Variants in SLC41A2 observed in about 807,000 individuals in gnomAD.
SLC41A2 encodes the protein solute carrier family 41 member 2, also known as SLC41A1-like 1.
Under a neutral mutation model 58.3 loss-of-function variants are expected in SLC41A2, and 32 were observed. The ratio of observed to expected loss-of-function variants is 0.55; its 90% CI spans 0.41 to 0.74. The LOEUF (loss-of-function observed/expected upper bound fraction) is 0.74, where lower values mean the gene tolerates loss of function less well. Among genes scored for constraint, SLC41A2 ranks in the 30% least tolerant of loss-of-function variants. SLC41A2 has a pLI of 0.00. For synonymous variants in SLC41A2, 190 were observed against 235.0 expected (o/e 0.81, Z 1.75); for missense variants, 514 against 680.6 (o/e 0.76, Z 2.72).
chr12:104,935,239 A>C (rs186651323), intron 1 of SLC41A2, among the ~76,000 whole-genome samples: 13 of 151,534 alleles, frequency 8.6e-5, no homozygotes, highest in African/African-American at 3.1e-4. Context: ...GATCATAGGC[A>C]TGAGCCACCA....
At chr12:104,878,417 C>T (rs1485707878) in intron 6 of SLC41A2, among the ~76,000 whole-genome samples, 1 of 151,482 alleles carries the variant, frequency 6.6e-6, no homozygotes, top group Non-Finnish European at 1.5e-5. Flanking sequence ...CACCCATTAA[C>T]TCATCATTAA....
intron 10 of SLC41A2, among the ~76,000 whole-genome samples, chr12:104,834,429 C>G (rs532706595): frequency 3.0e-4 from 45 of 152,266 alleles, no homozygotes; most frequent in African/African-American, 8.2e-4. Context: ...CCCTTCATAT[C>G]TCCTTTATCA....
At chr12:104,806,936 T>C (rs1006587517) in intron 10 of SLC41A2, among the ~76,000 whole-genome samples, 50 of 152,248 alleles carry the variant, frequency 3.3e-4, no homozygotes, top group African/African-American at 1.2e-3. Flanking sequence ...TGTAAACTTG[T>C]TTGAGTTCAT....
intron 1 of SLC41A2, among the ~76,000 whole-genome samples, chr12:104,957,802 C>T (rs2048224920): frequency 6.6e-6 from 1 of 152,216 alleles, no homozygotes; most frequent in Non-Finnish European, 1.5e-5. Context: ...CACCCGCCGC[C>T]TGTCCCTGCC....
chr12:104,854,576 A>C (rs1243932241), intron 8 of SLC41A2, among the ~76,000 whole-genome samples: 2 of 146,830 alleles, frequency 1.4e-5, no homozygotes, highest in African/African-American at 5.3e-5. Flanking sequence ...AAAACAAAAA[A>C]AAAAAAACAC....
At chr12:104,860,812 C>T (rs750376221) in intron 8 of SLC41A2, among the ~76,000 whole-genome samples, 12 of 151,912 alleles carry the variant, frequency 7.9e-5, no homozygotes, top group African/African-American at 4.8e-5. Context: ...TAACCTCAAG[C>T]GACCCTCCTA....
At chr12:104,912,435 T>C (rs73383420) in intron 2 of SLC41A2, among the ~76,000 whole-genome samples, 4,886 of 152,220 alleles carry the variant, frequency 0.032, 148 homozygotes, top group East Asian at 0.15. Flanking sequence ...AGGGGTTTAA[T>C]AATCATGCCT....
chr12:104,929,396 A>C (rs1184126673), intron 1 of SLC41A2, among the ~76,000 whole-genome samples: 1 of 152,222 alleles, frequency 6.6e-6, no homozygotes, highest in Non-Finnish European at 1.5e-5. Context: ...TTAAACCTCC[A>C]TTTGCAAACC....
At chr12:104,881,198 T>TTC (rs1565868836) in intron 6 of SLC41A2, among the ~76,000 whole-genome samples, 1 of 151,998 alleles carries the variant, frequency 6.6e-6, no homozygotes, top group Non-Finnish European at 1.5e-5. Context: ...TATTTGATTC[T>TTC]TCTCTCTTTT....
At chr12:104,926,837 C>G (rs184272828) in intron 2 of SLC41A2, among the ~76,000 whole-genome samples, 26 of 152,278 alleles carry the variant, frequency 1.7e-4, no homozygotes, top group Non-Finnish European at 1.8e-4. Flanking sequence ...CAATCCCTAG[C>G]ACTTTGGAAA....
At chr12:104,894,296 T>A (rs2045173521) in intron 4 of SLC41A2, among the ~76,000 whole-genome samples, 1 of 150,266 alleles carries the variant, frequency 6.7e-6, no homozygotes, top group Admixed American at 6.6e-5. Flanking sequence ...AAGGCTGCAG[T>A]GAGCCATGAC....
At chr12:104,941,584 A>C (rs2047515263) in intron 1 of SLC41A2, among the ~76,000 whole-genome samples, 1 of 152,252 alleles carries the variant, frequency 6.6e-6, no homozygotes, top group Admixed American at 6.5e-5. Flanking sequence ...CAACTCAAAC[A>C]CAATCCAGTT....
chr12:104,898,627 A>G lies in SLC41A2; in HGVS notation c.664-3282T>C, dbSNP rs1390002377. 3.3e-5 allele frequency among the ~76,000 whole-genome samples: 5 copies of G among 151,722 alleles called. No homozygotes were observed. In the East Asian group the frequency reaches 9.6e-4, roughly 29 times the overall value. On this transcript the variant is annotated intron_variant, in intron 3 of 10. Coordinates refer to ENST00000258538, the MANE Select transcript of SLC41A2 (RefSeq NM_001352171.3). ...CTTCCAAGTGTTAGGTGTATGGATA[A>G]TTTTTAATTTTTACTTTGTCCTTTA... is the stretch of plus-strand genomic sequence containing the variant.
intron 2 of SLC41A2, among the ~76,000 whole-genome samples, chr12:104,917,538 C>A (rs893162212): frequency 2.6e-5 from 4 of 151,098 alleles, no homozygotes; most frequent in East Asian, 3.9e-4. Flanking sequence ...ATGTTTATTG[C>A]GGCACTATTC....
chr12:104,882,302 A>C (rs2044416956), intron 6 of SLC41A2, among the ~76,000 whole-genome samples: 4 of 152,090 alleles, frequency 2.6e-5, no homozygotes, highest in Admixed American at 2.6e-4. Context: ...TAATTGGGGC[A>C]TTTAGTCCAT....
At chr12:104,919,351 G>T (rs946521424) in intron 2 of SLC41A2, among the ~76,000 whole-genome samples, 1 of 152,176 alleles carries the variant, frequency 6.6e-6, no homozygotes, top group African/African-American at 2.4e-5. Flanking sequence ...ATTCTCTGGG[G>T]ATAAATGCCC....
intron 6 of SLC41A2, among the ~76,000 whole-genome samples, chr12:104,872,192 A>T (rs912296878): frequency 2.0e-5 from 3 of 152,334 alleles, no homozygotes; most frequent in African/African-American, 7.2e-5. Context: ...AGCAGGCAGA[A>T]GCTTAAGAAG....
At chr12:104,847,700 CAG>C (rs1454775020) in intron 8 of SLC41A2, among the ~76,000 whole-genome samples, 3 of 151,288 alleles carry the variant, frequency 2.0e-5, no homozygotes, top group Non-Finnish European at 4.4e-5. Flanking sequence ...TTTTTATACA[CAG>C]AAAACACTGT....
intron 10 of SLC41A2, among the ~76,000 whole-genome samples, chr12:104,840,618 ATTG>A (rs2042377630): frequency 6.6e-6 from 1 of 152,180 alleles, no homozygotes; most frequent in Non-Finnish European, 1.5e-5. Context: ...AGCTACTCTG[ATTG>A]CTCTTGGGGA....
Sources: allele counts gnomAD v4.1 joint callset (sites outside exome capture counted in the v4.1 genomes callset), GRCh38; gene constraint gnomAD v4.1.1; transcripts MANE v1.5; gene names NCBI Gene and HGNC (gene_info 2026-07-23, HGNC 2026-07-21).